Variants in SSBP3 observed in about 807,000 individuals in gnomAD.
The protein encoded by SSBP3 is single stranded DNA binding protein 3, also known as single-stranded DNA-binding protein 3.
Under a neutral mutation model 69.6 loss-of-function variants are expected in SSBP3, and 5 were observed. The ratio of observed to expected loss-of-function variants is 0.07; its 90% CI spans 0.04 to 0.15. The LOEUF is 0.15. SSBP3 is among the 10% of genes least tolerant of loss of function. SSBP3 has a pLI of 1.00. For synonymous variants in SSBP3, 196 were observed against 193.4 expected (o/e 1.01, Z -0.11); for missense variants, 312 against 534.0 (o/e 0.58, Z 4.10).
At chr1:54,225,662 CAA>C in exon 18 of SSBP3, 2 of 251,848 alleles carry the variant, frequency 7.9e-6, no homozygotes, top group Non-Finnish European at 1.5e-5. Flanking sequence ...GGGAGTAAAA[CAA>C]AGACCAGCTA....
In SSBP3 at chr1:54,256,762, G is replaced by A. The variant is rs1644928849; in HGVS notation, c.507+365C>T. Among the ~76,000 whole-genome samples the A allele has an allele frequency of 2.6e-5, 4 of 152,268 alleles. No individual in the cohort carries two copies. The South Asian group carries it at 8.3e-4, about 32-fold the overall frequency. ...AGGAAAAAATGCACATTGTCAATTA[G>A]CTTCATTAAGGAGGAAGACCCTCTT... On this transcript the variant is annotated intron_variant, in intron 7 of 17. Coordinates refer to ENST00000610401, the Ensembl canonical transcript of SSBP3.
At chr1:54,262,335 G>C (rs1481065681) in intron 5 of SSBP3, among the ~76,000 whole-genome samples, 1 of 152,216 alleles carries the variant, frequency 6.6e-6, no homozygotes, top group African/African-American at 2.4e-5. Flanking sequence ...CTCGATGTCT[G>C]ATTCTAGAGT....
At chr1:54,281,482 T>C (rs747870602) in exon 5 of SSBP3, 1 of 1,570,856 alleles carries the variant, frequency 6.4e-7, no homozygotes, top group Admixed American at 1.8e-5. Flanking sequence ...ATCCCATCGT[T>C]GGGGGGAATG....
intron 4 of SSBP3, among the ~76,000 whole-genome samples, chr1:54,294,911 T>C (rs1383540572): frequency 1.3e-5 from 2 of 152,054 alleles, no homozygotes; most frequent in Non-Finnish European, 2.9e-5. Flanking sequence ...CACCCTGCGA[T>C]ACCTTCCTCC....
At chr1:54,324,473 A>C (rs1038001081) in intron 4 of SSBP3, among the ~76,000 whole-genome samples, 1 of 151,440 alleles carries the variant, frequency 6.6e-6, no homozygotes, top group East Asian at 1.9e-4. Flanking sequence ...AGGCCAGAGC[A>C]GGATAAAGTA....
intron 7 of SSBP3, chr1:54,255,821 C>T (rs1301487172): frequency 6.6e-6 from 1 of 152,140 alleles, no homozygotes; most frequent in Non-Finnish European, 1.5e-5. Flanking sequence ...GCCTGTAATC[C>T]CAACACTGTG....
chr1:54,383,013 G>A (rs1479032992), intron 4 of SSBP3, among the ~76,000 whole-genome samples: 4 of 143,860 alleles, frequency 2.8e-5, no homozygotes, highest in South Asian at 2.2e-4. Flanking sequence ...AAGAGAGAGA[G>A]AGAAAGAAAG....
intron 4 of SSBP3, among the ~76,000 whole-genome samples, chr1:54,328,290 T>C (rs1328252028): frequency 6.6e-6 from 1 of 152,200 alleles, no homozygotes; most frequent in Non-Finnish European, 1.5e-5. Context: ...GAGGTGTTCA[T>C]GTGCTGAAAT....
chr1:54,238,365 C>T (rs1644537631), intron 14 of SSBP3: 1 of 468,954 alleles, frequency 2.1e-6, no homozygotes, highest in Admixed American at 2.4e-5. Flanking sequence ...CTTTTCAGAC[C>T]CTGAGCTCCT....
intron 4 of SSBP3, among the ~76,000 whole-genome samples, chr1:54,314,128 A>AG (rs1646054692): frequency 6.6e-6 from 1 of 152,168 alleles, no homozygotes; most frequent in South Asian, 2.1e-4. Flanking sequence ...GAGCCAGCCA[A>AG]GGGGGGCTTA....
intron 5 of SSBP3, among the ~76,000 whole-genome samples, chr1:54,265,450 G>A (rs528377021): frequency 2.6e-5 from 4 of 152,314 alleles, no homozygotes; most frequent in African/African-American, 9.6e-5. Flanking sequence ...ATGCACGGTA[G>A]GTGGGTCCTC....
chr1:54,314,603 T>C (rs772330578), intron 4 of SSBP3, among the ~76,000 whole-genome samples: 1 of 152,260 alleles, frequency 6.6e-6, no homozygotes, highest in Non-Finnish European at 1.5e-5. Context: ...TTGGGTCTGA[T>C]ACCTTGAACA....
rs188338399 is a variant in SSBP3, at chr1:54,387,415, G to A, written c.276+14446C>T. 2.6e-3 allele frequency among the ~76,000 whole-genome samples: 399 copies of A among 152,194 alleles called. 6 individuals are homozygous for A. Among genetic ancestry groups the A allele is most frequent in the Admixed American group, 1.1e-3 (17 of 15,286 alleles). On this transcript the variant is annotated intron_variant, in intron 4 of 17. Transcript: ENST00000610401. ...ACCCTTTCAACTAAATCCAACGTGG[G>A]CTCTTTGCTGAAATCCCTCCTACTC...
intron 4 of SSBP3, among the ~76,000 whole-genome samples, chr1:54,393,470 G>C (rs181553907): frequency 1.7e-3 from 254 of 152,254 alleles, no homozygotes; most frequent in African/African-American, 5.9e-3. Context: ...CCAGAACTCA[G>C]ACCAGGCCGG....
At chr1:54,369,037 C>T (rs572918649) in intron 4 of SSBP3, among the ~76,000 whole-genome samples, 34 of 152,310 alleles carry the variant, frequency 2.2e-4, no homozygotes, top group African/African-American at 7.7e-4. Context: ...TAGATGGCTC[C>T]ATTTTTGTTT....
At chr1:54,404,352 C>T (rs1185493161) in intron 3 of SSBP3, among the ~76,000 whole-genome samples, 2 of 152,234 alleles carry the variant, frequency 1.3e-5, no homozygotes, top group South Asian at 2.1e-4. Flanking sequence ...TACCCCAACA[C>T]CACAGATGGT....
At chr1:54,388,405 C>G (rs1648241917) in intron 4 of SSBP3, among the ~76,000 whole-genome samples, 1 of 152,206 alleles carries the variant, frequency 6.6e-6, no homozygotes, top group African/African-American at 2.4e-5. Flanking sequence ...TAGAGTGTTA[C>G]CGGGATTAAA....
intron 4 of SSBP3, among the ~76,000 whole-genome samples, chr1:54,350,602 A>C (rs780005180): frequency 1.3e-5 from 2 of 152,170 alleles, no homozygotes; most frequent in Non-Finnish European, 2.9e-5. Flanking sequence ...AGCAGCAAGT[A>C]ATTTTCTAAT....
chr1:54,384,897 A>G (rs1025835478), intron 4 of SSBP3, among the ~76,000 whole-genome samples: 1 of 152,050 alleles, frequency 6.6e-6, no homozygotes, highest in Admixed American at 6.6e-5. Context: ...GTTTTCCAAG[A>G]GCAGTAGCTT....
Sources: allele counts gnomAD v4.1 joint callset (sites outside exome capture counted in the v4.1 genomes callset), GRCh38; gene constraint gnomAD v4.1.1; transcripts MANE v1.5; gene names NCBI Gene and HGNC (gene_info 2026-07-23, HGNC 2026-07-21).